Variants in DNAH12 observed in about 807,000 individuals in gnomAD.
DNAH12 encodes the protein dynein axonemal heavy chain 12.
DNAH12 carries 285 observed loss-of-function variants against 371.5 expected under a neutral mutation model. The ratio of observed to expected loss-of-function variants is 0.77; its 90% CI spans 0.70 to 0.85. The LOEUF is 0.85. DNAH12 is among the 40% of genes least tolerant of loss of function. The pLI, the probability that DNAH12 is intolerant of heterozygous loss-of-function variation, is 0.00. For synonymous variants in DNAH12, 1,200 were observed against 1,213.0 expected, an observed-to-expected ratio of 0.99 and a Z score of 0.22; for missense variants, 3,611 against 3,689.4, an observed-to-expected ratio of 0.98 and a Z score of 0.55.
intron 69 of DNAH12, among the ~76,000 whole-genome samples, chr3:57,303,208 G>GGCA (rs1559536172): frequency 6.6e-6 from 1 of 151,272 alleles, no homozygotes; most frequent in Non-Finnish European, 1.5e-5. Flanking sequence ...TCGTGGTGGT[G>GGCA]GGCGCCTGTA....
Position 57,483,313 on chromosome 3 carries a change from TCAC to T in DNAH12, c.1650+60_1650+62del. 5 of 1,514,942 alleles carry T rather than the reference TCAC, an allele frequency of 3.3e-6. No individual in the cohort carries two copies. In the South Asian group the frequency reaches 5.0e-5, roughly 15 times the overall value. The allele number at this position is 1,514,942 out of a possible 1,614,324, so 93.8% of individuals were successfully genotyped here. A position where few individuals can be genotyped will look rare whatever the true frequency, so the allele number is the denominator to read the frequency against. Reference sequence around the variant, plus strand: ...GTGTAACTATATATTTTATACATCTTCACCATGAAAATAATATTTCACAATGAA... The same window carrying T: ...GTGTAACTATATATTTTATACATCTTCATGAAAATAATATTTCACAATGAA... On this transcript the variant is annotated intron_variant, in intron 13 of 73. Coordinates refer to ENST00000495027, the MANE Select transcript of DNAH12 (RefSeq NM_001366028.2).
intron 39 of DNAH12, 140 bp downstream of exon 39, chr3:57,413,602 ATATT>A (rs2064272517): frequency 7.8e-6 from 7 of 902,214 alleles, no homozygotes; most frequent in African/African-American, 3.4e-5. Flanking sequence ...TTTTCGAAAT[ATATT>A]AGAGAGGCTT....
rs757419841 is a variant in DNAH12 at position 57,322,364 on chromosome 3, C to T, written c.10503G>A (p.Lys3501=). 1.9e-6 allele frequency: 3 copies of T among 1,551,146 alleles called. No homozygotes were observed. Among genetic ancestry groups the T allele is most frequent in the Non-Finnish European group, 2.6e-6 (3 of 1,146,740 alleles). The change falls in exon 65 of 74, where the codon AAG becomes AAA. Residue 3501 remains lysine, a synonymous_variant. Coordinates refer to ENST00000495027, the MANE Select transcript of DNAH12 (RefSeq NM_001366028.2). ...TDPVSDPEFF[K]GCRGKELAWE... ...TTACCAGTTCCTTTCCACGGCATCCCTTGAAAAACTCAGGATCAGAAACTG... is the reference window on the plus strand; with the variant it reads ...TTACCAGTTCCTTTCCACGGCATCCTTTGAAAAACTCAGGATCAGAAACTG...
In DNAH12 at chr3:57,542,597, T is replaced by A; in HGVS notation, c.170+104A>T. The A allele has an allele frequency of 1.6e-6, 2 of 1,277,402 alleles. 1 individual carries two copies. The highest frequency in any genetic ancestry group is 3.3e-5 in the South Asian group (2 of 60,554). 79.1% of individuals were successfully genotyped at this position (1,277,402 alleles called of 1,614,324 possible). On this transcript the variant is annotated intron_variant, in intron 2 of 73. Coordinates refer to ENST00000495027, the MANE Select transcript of DNAH12 (RefSeq NM_001366028.2). ...TTCTAATTAACTTGAAAATAGTATT[T>A]TACCCATGAACAACCTCCACAGTTA...
Position 57,296,416 on chromosome 3 carries a change from G to C in DNAH12, c.11552C>G (p.Ser3851Cys), listed in dbSNP as rs2061234227. The change falls in exon 72 of 74, where the codon TCT (serine) becomes TGT (cysteine). Residue 3851 changes from serine (S) to cysteine (C), a missense_variant. Around this residue, in one of 3 missense-constraint regions of DNAH12, gnomAD observed 2,266 missense variants for 2,236.9 expected, o/e 1.01. Coordinates refer to ENST00000495027, the MANE Select transcript of DNAH12 (RefSeq NM_001366028.2). The part of the protein sequence containing the change: ...YEFEVIPSDT[S>C]DTSPEDGVYI... ...AACACCATCTTCTGGTGATGTGTCA[G>C]ATGTATCAGATGGGATAACCTGAAG... 6.4e-7 allele frequency: 1 copy of C among 1,550,676 alleles called. No individual in the cohort carries two copies. The highest frequency in any genetic ancestry group is 2.0e-5 in the Admixed American group (1 of 50,946).
rs2062934544 is a variant in DNAH12, at chr3:57,361,471, T to TATATATATATATATATATATA, written c.9360+2122_9360+2123insTATATATATATATATATATAT. On this transcript the variant is annotated intron_variant, in intron 58 of 73. Transcript: ENST00000495027. ...ATATATATATATATATATATATATATCTCATTCAGCTCTGTTAGGTGAATT... is the reference window on the plus strand; with the variant it reads ...ATATATATATATATATATATATATATATATATATATATATATATATACTCATTCAGCTCTGTTAGGTGAATT... Among the ~76,000 whole-genome samples, 15 of 141,820 alleles carry TATATATATATATATATATATA rather than the reference T, an allele frequency of 1.1e-4. 1 individual carries two copies. Among genetic ancestry groups the TATATATATATATATATATATA allele is most frequent in the African/African-American group, 4.0e-4 (14 of 35,384 alleles). The allele number at this position is 141,820 out of a possible 152,430, so 93.0% of individuals were successfully genotyped here. A position where few individuals can be genotyped will look rare whatever the true frequency, so the allele number is the denominator to read the frequency against.
chr3:57,494,521 C>T (rs1479878433), intron 11 of DNAH12, among the ~76,000 whole-genome samples: 1 of 151,958 alleles, frequency 6.6e-6, no homozygotes, highest in Non-Finnish European at 1.5e-5. Context: ...GAGATCATAC[C>T]ACTGTACTTT....
chr3:57,349,467 G>A (rs554196357), intron 60 of DNAH12, among the ~76,000 whole-genome samples: 4 of 152,120 alleles, frequency 2.6e-5, no homozygotes, highest in Non-Finnish European at 5.9e-5. Flanking sequence ...CCCCCTACTC[G>A]GTATCCCAGA....
intron 12 of DNAH12, among the ~76,000 whole-genome samples, chr3:57,488,339 C>T (rs1158786151): frequency 6.6e-6 from 1 of 152,056 alleles, no homozygotes. Flanking sequence ...GTTACAGGCA[C>T]CTGCCACCAC....
At chr3:57,462,584 C>T (rs575010983) in intron 18 of DNAH12, 106 bp downstream of exon 18, 10 of 1,328,650 alleles carry the variant, frequency 7.5e-6, no homozygotes, top group Admixed American at 5.4e-5. Flanking sequence ...TCCCCCATCA[C>T]CTCCCGCGCT....
At chr3:57,530,511 T>C in intron 2 of DNAH12, 1 of 729,586 alleles carries the variant, frequency 1.4e-6, no homozygotes, top group Non-Finnish European at 2.5e-6. Flanking sequence ...TTTGGCATTC[T>C]TTTTCCTTTC....
chr3:57,468,410 C>T (rs2066265929), intron 17 of DNAH12, among the ~76,000 whole-genome samples: 1 of 152,064 alleles, frequency 6.6e-6, no homozygotes, highest in Admixed American at 6.6e-5. Context: ...ACTGCTTGAG[C>T]ACAGGAGTTT....
intron 43 of DNAH12, among the ~76,000 whole-genome samples, chr3:57,394,938 G>A (rs1420620751): frequency 6.6e-6 from 1 of 152,084 alleles, no homozygotes; most frequent in East Asian, 1.9e-4. Context: ...GACTTGTATA[G>A]GCTTGTTAGA....
chr3:57,461,795 C>A (rs1217991212), intron 18 of DNAH12, 106 bp from the exon 19 acceptor site: 8 of 897,928 alleles, frequency 8.9e-6, no homozygotes, highest in Admixed American at 2.6e-5. Flanking sequence ...ATTACATTAT[C>A]ATTTCCTTAA....
Position 57,523,589 on chromosome 3 carries a change from T to A in DNAH12, c.273A>T (p.Lys91Asn). The A allele has an allele frequency of 6.3e-7, 1 of 1,580,416 alleles. No individual in the cohort carries two copies. The highest frequency in any genetic ancestry group is 8.6e-7 in the Non-Finnish European group (1 of 1,164,568). Reference protein sequence around the residue: ...YPQTMTSEMKKKGFNYIYMKQ... With the variant: ...YPQTMTSEMKNKGFNYIYMKQ... ...TATAAAAACTTGAACTCACTCCTTTTTTTTTCATTTCACTGGTCATCTGTC... is the reference window on the plus strand; with the variant it reads ...TATAAAAACTTGAACTCACTCCTTTATTTTTCATTTCACTGGTCATCTGTC... The change falls in exon 4 of 74, where the codon AAA becomes AAT. Residue 91 changes from lysine (K) to asparagine (N), a missense_variant. Lys to Asn is a moderately conservative substitution (Grantham distance 94). Transcript: ENST00000495027.
chr3:57,321,828 T>G (rs1195117463), intron 65 of DNAH12, among the ~76,000 whole-genome samples: 1 of 152,222 alleles, frequency 6.6e-6, no homozygotes, highest in Admixed American at 6.5e-5. Context: ...ATGAGTACTC[T>G]CTACTGGGAC....
At chr3:57,466,342 G>A (rs980865367) in intron 17 of DNAH12, among the ~76,000 whole-genome samples, 1 of 152,166 alleles carries the variant, frequency 6.6e-6, no homozygotes, top group African/African-American at 2.4e-5. Flanking sequence ...TGAGAACCAT[G>A]AGGAGACTTT....
At chr3:57,464,467 C>G (rs1252015010) in intron 17 of DNAH12, among the ~76,000 whole-genome samples, 1 of 152,156 alleles carries the variant, frequency 6.6e-6, no homozygotes, top group African/African-American at 2.4e-5. Flanking sequence ...TAAGGTGCCA[C>G]TTGGAGCTGA....
At chr3:57,425,734 C>T (rs920700871) in intron 34 of DNAH12, among the ~76,000 whole-genome samples, 2 of 152,046 alleles carry the variant, frequency 1.3e-5, no homozygotes, top group Non-Finnish European at 2.9e-5. Flanking sequence ...CTAGCTACTG[C>T]AAGAGAATAA....
Sources: gnomAD v4.1 joint callset for allele counts (sites outside exome capture counted in the v4.1 genomes callset) on GRCh38, gnomAD v4.1.1 for gene constraint, gnomAD v4.1.1 regional missense constraint, MANE v1.5 for transcripts, NCBI Gene and HGNC (gene_info 2026-07-23, HGNC 2026-07-21) for gene names.